Variants in TBC1D10B observed in about 807,000 individuals in gnomAD.
TBC1D10B encodes Rab27A-GAPbeta.
Under a neutral mutation model 78.4 loss-of-function variants are expected in TBC1D10B, and 25 were observed. The ratio of observed to expected loss-of-function variants is 0.32; its 90% CI spans 0.23 to 0.45. TBC1D10B has a LOEUF of 0.45. Among genes scored for constraint, TBC1D10B ranks in the 20% least tolerant of loss-of-function variants. The probability of loss-of-function intolerance (pLI) is 1.00; values close to 1 mark genes in which losing one functional copy is unlikely to be tolerated. For missense variants in TBC1D10B, 996 were observed against 1,104.8 expected, an observed-to-expected ratio of 0.90 and a Z score of 1.40; for synonymous variants, 517 against 478.0, an observed-to-expected ratio of 1.08 and a Z score of -1.06.
chr16:30,360,246 C>T (rs977948127), intron 4 of TBC1D10B: 1 of 174,968 alleles, frequency 5.7e-6, no homozygotes, highest in African/African-American at 2.4e-5. Flanking sequence ...TTTCATGGTT[C>T]TTGGGGAAGG....
Position 30,357,854 on chromosome 16 carries a change from G to T in TBC1D10B, c.*90C>A. On this transcript the variant is annotated 3_prime_UTR_variant, in exon 9 of 9. Coordinates refer to ENST00000409939, the MANE Select transcript of TBC1D10B (RefSeq NM_015527.4). ...CACTTTCCCCAGCAAGGGACAGCCT[G>T]ACAAGGTGCTAGGGGGTGGCACCTT... The T allele has an allele frequency of 6.9e-7, 1 of 1,445,144 alleles. No homozygotes were observed. The highest frequency in any genetic ancestry group is 1.4e-5 in the South Asian group (1 of 69,424). The allele number at this position is 1,445,144 out of a possible 1,614,324, so 89.5% of individuals were successfully genotyped here. A position where few individuals can be genotyped will look rare whatever the true frequency, so the allele number is the denominator to read the frequency against.
rs1211872346 is a variant in TBC1D10B, at chr16:30,365,422, C to T, written c.1056+73G>A. 60 of 1,558,914 alleles carry T rather than the reference C, an allele frequency of 3.8e-5. No individual in the cohort carries two copies. Among genetic ancestry groups the T allele is most frequent in the African/African-American group, 1.4e-5 (1 of 73,796 alleles). Reference sequence around the variant, plus strand: ...TCCAGAGGGCAGATATTATCGGCTTCCTGGGCTTCCCTGGAGCACATGCTA... The same window carrying T: ...TCCAGAGGGCAGATATTATCGGCTTTCTGGGCTTCCCTGGAGCACATGCTA... On this transcript the variant is annotated intron_variant, in intron 2 of 8. Transcript: ENST00000409939. This position sits in a 1 kb window ranked among gnomAD's most constrained non-coding sequence, Gnocchi z 5.0.
chr16:30,359,171 C>A lies in TBC1D10B; in HGVS notation c.1642+1G>T, dbSNP rs762447022. The A allele has an allele frequency of 6.2e-7, 1 of 1,608,786 alleles. No individual in the cohort carries two copies. Among genetic ancestry groups the A allele is most frequent in the Non-Finnish European group, 8.5e-7 (1 of 1,177,778 alleles). On this transcript the variant is annotated splice_donor_variant, in intron 7 of 8. Coordinates refer to ENST00000409939, the MANE Select transcript of TBC1D10B (RefSeq NM_015527.4). LOFTEE classifies it high-confidence loss of function. ...CATGGCCTGGAGGGCCACAGAAGTA[C>A]CTTCACAGAAAAACATGTCCCAGAC...
chr16:30,370,141 G>A lies in TBC1D10B; in HGVS notation c.43C>T (p.His15Tyr). The change falls in exon 1 of 9, where the codon CAT becomes TAT. Residue 15 changes from histidine (H) to tyrosine (Y), a missense_variant. Around this residue, in one of 5 missense-constraint regions of TBC1D10B, gnomAD observed 448 missense variants for 442.1 expected, o/e 1.01. Coordinates refer to ENST00000409939, the MANE Select transcript of TBC1D10B (RefSeq NM_015527.4). Reference protein sequence around the residue: ...TAPLVAPPRRHGAPAAPSPPP... With the variant: ...TAPLVAPPRRYGAPAAPSPPP... Reference sequence around the variant, plus strand: ...GGCGAGGGGGCCGCGGGGGCGCCATGACGGCGCGGCGGGGCCACCAGGGGC... The same window carrying A: ...GGCGAGGGGGCCGCGGGGGCGCCATAACGGCGCGGCGGGGCCACCAGGGGC... The A allele has an allele frequency of 8.3e-7, 1 of 1,200,298 alleles. No individual in the cohort carries two copies. Among genetic ancestry groups the A allele is most frequent in the Non-Finnish European group, 1.0e-6 (1 of 967,736 alleles). The allele number at this position is 1,200,298 out of a possible 1,614,324, so 74.4% of individuals were successfully genotyped here. A position where few individuals can be genotyped will look rare whatever the true frequency, so the allele number is the denominator to read the frequency against.
At chr16:30,360,024 C>T (rs2049589471) in intron 4 of TBC1D10B, 183 bp from the exon 5 acceptor site, 2 of 602,468 alleles carry the variant, frequency 3.3e-6, no homozygotes, top group East Asian at 5.6e-5. Flanking sequence ...GGGGCTCCGC[C>T]TTTGGCTACA....
intron 4 of TBC1D10B, chr16:30,360,043 A>G (rs1373313585): frequency 1.8e-6 from 1 of 566,698 alleles, no homozygotes. Context: ...CATACTCCAC[A>G]TGCTCCTGGC....
In TBC1D10B at chr16:30,369,514, A is replaced by G; in HGVS notation, c.670T>C (p.Cys224Arg). The change falls in exon 1 of 9, where the codon TGT becomes CGT. Residue 224 changes from cysteine (C) to arginine (R), a missense_variant. Transcript: ENST00000409939. The surrounding 1 kb of genome is among the most constrained non-coding windows in gnomAD (Gnocchi z 4.3). ...GTCACGACAGCTACCGGAGCCTCACAAGTCCCAGAGGGGCCTGTGCCAGGG... is the reference window on the plus strand; with the variant it reads ...GTCACGACAGCTACCGGAGCCTCACGAGTCCCAGAGGGGCCTGTGCCAGGG... ...SGPGTGPSGT[C>R]EAPVAVVTVT... The G allele has an allele frequency of 6.4e-7, 1 of 1,551,114 alleles. No homozygotes were observed. Among genetic ancestry groups the G allele is most frequent in the Non-Finnish European group, 8.7e-7 (1 of 1,146,886 alleles).
At position 30,358,800 on chromosome 16, in the gene TBC1D10B, G is replaced by A. The variant is rs779727462; in HGVS notation, c.1660C>T (p.Arg554Trp). Residue 554 changes from arginine (R) to tryptophan (W), a missense_variant, in exon 8 of 9, where the codon CGG becomes TGG. Around this residue, in one of 5 missense-constraint regions of TBC1D10B, gnomAD observed 168 missense variants for 238.7 expected, o/e 0.70. Transcript: ENST00000409939. ...FFCEGVKIIF[R>W]VALVLLRHTL... ...TGGCGCAGCAGGACCAGGGCCACCC[G>A]GAAGATGATCTTAACGCCTGCAGGG... 5.0e-6 allele frequency: 8 copies of A among 1,608,332 alleles called. No individual in the cohort carries two copies. Among genetic ancestry groups the A allele is most frequent in the African/African-American group, 2.7e-5 (2 of 74,936 alleles).
intron 1 of TBC1D10B, among the ~76,000 whole-genome samples, chr16:30,368,425 C>T (rs1361493941): frequency 6.6e-6 from 1 of 152,182 alleles, no homozygotes; most frequent in Admixed American, 6.6e-5. Context: ...TTATCCTTAG[C>T]ACCTGGGGCC....
chr16:30,370,115 C>T lies in TBC1D10B; in HGVS notation c.69G>A (p.Pro23=), dbSNP rs1320654226. The T allele has an allele frequency of 1.6e-6, 2 of 1,217,244 alleles. No homozygotes were observed. Among genetic ancestry groups the T allele is most frequent in the South Asian group, 4.1e-5 (1 of 24,228 alleles). The allele number at this position is 1,217,244 out of a possible 1,614,324, so 75.4% of individuals were successfully genotyped here. A position where few individuals can be genotyped will look rare whatever the true frequency, so the allele number is the denominator to read the frequency against. ...RRHGAPAAPS[P]PPRGSRAGPV... ...GCCCGGCCCGGGAACCCCGGGGCGG[C>T]GGCGAGGGGGCCGCGGGGGCGCCAT... Residue 23 remains proline (P), a synonymous_variant, in exon 1 of 9, where the codon CCG becomes CCA. Transcript: ENST00000409939.
chr16:30,359,720 C>T lies in TBC1D10B; in HGVS notation c.1386+7G>A, dbSNP rs756380944. 1.4e-5 allele frequency: 22 copies of T among 1,569,346 alleles called. No individual in the cohort carries two copies. Among genetic ancestry groups the T allele is most frequent in the South Asian group, 3.5e-5 (3 of 85,468 alleles). On this transcript the variant is annotated splice_region_variant and intron_variant, in intron 5 of 8. Transcript: ENST00000409939. ...TGCCCCTCCCGGCCCAGGACCAGGGCGCTGACCTCCGCAGGCATGTGCATG... is the reference window on the plus strand; with the variant it reads ...TGCCCCTCCCGGCCCAGGACCAGGGTGCTGACCTCCGCAGGCATGTGCATG...
Position 30,369,274 on chromosome 16 carries a change from T to A in TBC1D10B, c.910A>T (p.Thr304Ser). ...SEINGLALRKTDKYGFLGGSQ... is the reference protein window; with the variant it reads ...SEINGLALRKSDKYGFLGGSQ... The stretch of plus-strand genomic sequence containing the variant: ...CCCCCAAGGAAGCCATACTTGTCCG[T>A]CTTGCGCAGGGCCAGCCCGTTTATC... The change falls in exon 1 of 9, where the codon ACG becomes TCG. Residue 304 changes from threonine to serine, a missense_variant. Thr to Ser is a moderately conservative substitution (Grantham distance 58). Transcript: ENST00000409939. The surrounding 1 kb of genome is among the most constrained non-coding windows in gnomAD (Gnocchi z 4.3). 1 of 1,588,436 alleles carries A rather than the reference T, an allele frequency of 6.3e-7. No individual in the cohort carries two copies. Among genetic ancestry groups the A allele is most frequent in the Non-Finnish European group, 8.6e-7 (1 of 1,168,112 alleles).
chr16:30,369,333 G>A lies in TBC1D10B; in HGVS notation c.851C>T (p.Ala284Val), dbSNP rs754332623. 1.0e-5 allele frequency: 16 copies of A among 1,597,510 alleles called. No homozygotes were observed. The highest frequency in any genetic ancestry group is 7.9e-5 in the South Asian group (7 of 88,330). Residue 284 changes from alanine to valine, a missense_variant, in exon 1 of 9, where the codon GCG (alanine) becomes GTG (valine). Around this residue, in one of 5 missense-constraint regions of TBC1D10B, gnomAD observed 448 missense variants for 442.1 expected, o/e 1.01. Coordinates refer to ENST00000409939, the MANE Select transcript of TBC1D10B (RefSeq NM_015527.4). This position sits in a 1 kb window ranked among gnomAD's most constrained non-coding sequence, Gnocchi z 4.3. ...SLMSGTLESLADDVSSMGSDS... is the reference protein window; with the variant it reads ...SLMSGTLESLVDDVSSMGSDS... ...TGAGCCCATGGAGCTCACATCATCC[G>A]CCAAGGACTCCAAGGTCCCAGACAT...
chr16:30,359,998 G>A, intron 4 of TBC1D10B, 157 bp from the exon 5 acceptor site: 2 of 671,590 alleles, frequency 3.0e-6, no homozygotes, highest in East Asian at 2.7e-5. Context: ...GCCCACAGCA[G>A]AGCACTCCAG....
In TBC1D10B at chr16:30,359,358, C is replaced by T; in HGVS notation, c.1456G>A (p.Ala486Thr). 1 of 1,563,912 alleles carries T rather than the reference C, an allele frequency of 6.4e-7. No homozygotes were observed. The highest frequency in any genetic ancestry group is 8.7e-7 in the Non-Finnish European group (1 of 1,155,092). Residue 486 changes from alanine (A) to threonine (T), a missense_variant, in exon 7 of 9, where the codon GCC becomes ACC. Physicochemically the swap from Ala to Thr is moderately conservative, Grantham distance 58. Around this residue, in one of 5 missense-constraint regions of TBC1D10B, gnomAD observed 168 missense variants for 238.7 expected, o/e 0.70. Coordinates refer to ENST00000409939, the MANE Select transcript of TBC1D10B (RefSeq NM_015527.4). ...LPGYYSAGLE[A>T]IQLDGEIFFA... is the part of the protein sequence containing the mutation. The stretch of plus-strand genomic sequence containing the variant: ...AAGATCTCCCCGTCCAGCTGAATGG[C>T]CTCCTGCAGGTGGGACAAGCCATGA...
chr16:30,360,073 C>A (rs1380333825), intron 4 of TBC1D10B: 3 of 503,370 alleles, frequency 6.0e-6, no homozygotes, highest in Non-Finnish European at 1.1e-5. Flanking sequence ...ACAGGCTGCA[C>A]CCTCGCCCTC....
chr16:30,369,695 A>T lies in TBC1D10B; in HGVS notation c.489T>A (p.Gly163=), dbSNP rs1274091831. ...CAAGCGGGGGTTTGGCGGTCAGGGCACCAGGAGCCGTTCTGGAAGGGGTCC... is the reference window on the plus strand; with the variant it reads ...CAAGCGGGGGTTTGGCGGTCAGGGCTCCAGGAGCCGTTCTGGAAGGGGTCC... ...PTRTPSRTAP[G]ALTAKPPLAP... The change falls in exon 1 of 9, where the codon GGT becomes GGA. Residue 163 remains glycine (G), a synonymous_variant. Transcript: ENST00000409939. This position sits in a 1 kb window ranked among gnomAD's most constrained non-coding sequence, Gnocchi z 4.3. 1 of 1,519,942 alleles carries T rather than the reference A, an allele frequency of 6.6e-7. No homozygotes were observed. The highest frequency in any genetic ancestry group is 8.8e-7 in the Non-Finnish European group (1 of 1,131,536). The allele number at this position is 1,519,942 out of a possible 1,614,324, so 94.2% of individuals were successfully genotyped here. A position where few individuals can be genotyped will look rare whatever the true frequency, so the allele number is the denominator to read the frequency against.
At chr16:30,360,645 AT>A (rs1203895012) in intron 4 of TBC1D10B, among the ~76,000 whole-genome samples, 1 of 152,110 alleles carries the variant, frequency 6.6e-6, no homozygotes, top group African/African-American at 2.4e-5. Flanking sequence ...CCACCCTACT[AT>A]TTAGTTGACA....
At chr16:30,359,484 G>A in intron 6 of TBC1D10B, 54 bp downstream of exon 6, 2 of 1,551,130 alleles carry the variant, frequency 1.3e-6, no homozygotes, top group East Asian at 4.9e-5. Context: ...GGACCTGCCT[G>A]CAGCCTGGAG....
Sources: gnomAD v4.1 joint callset for allele counts (sites outside exome capture counted in the v4.1 genomes callset) on GRCh38, gnomAD v4.1.1 for gene constraint, gnomAD v4.1.1 regional missense constraint, Gnocchi (gnomAD v3.1) non-coding constraint, MANE v1.5 for transcripts, NCBI Gene and HGNC (gene_info 2026-07-23, HGNC 2026-07-21) for gene names.